The following EEFSEC variants were observed in gnomAD, a reference collection of about 807,000 sequenced individuals.
EEFSEC encodes the protein eukaryotic elongation factor, selenocysteine-tRNA specific, also known as selenocysteine-specific elongation factor.
In EEFSEC, 43 loss-of-function variants were observed where a neutral mutation model predicts 42.1. The ratio of observed to expected loss-of-function variants is 1.02; its 90% confidence interval spans 0.80 to 1.32. EEFSEC has a LOEUF of 1.32. Among genes scored for constraint, EEFSEC ranks in the 40% most tolerant of loss-of-function variants. The pLI is 0.00. For synonymous variants in EEFSEC, 354 were observed against 339.1 expected (o/e 1.04, Z -0.48); for missense variants, 745 against 803.6 (o/e 0.93, Z 0.88).
chr3:128,171,279 C>T (rs1392149467), intron 1 of EEFSEC, among the ~76,000 whole-genome samples: 2 of 152,140 alleles, frequency 1.3e-5, no homozygotes, highest in African/African-American at 4.8e-5. Context: ...CTGATCCCTT[C>T]AGAAAAATTG....
chr3:128,264,723 G>A lies in EEFSEC; in HGVS notation c.728G>A (p.Gly243Glu), dbSNP rs1262910341. Residue 243 changes from glycine to glutamate, a missense_variant, in exon 4 of 7, where the codon GGG (glycine) becomes GAG (glutamate). Gly to Glu is a moderately conservative substitution (Grantham distance 98). Coordinates refer to ENST00000254730, the MANE Select transcript of EEFSEC (RefSeq NM_021937.5). The part of the protein sequence containing the change: ...SIKGQGTVMT[G>E]TILSGSISLG... ...AAAGGCCAAGGCACTGTGATGACAG[G>A]GACCATCCTTTCAGGCTCCATCAGC... is the stretch of plus-strand genomic sequence containing the variant. The A allele has an allele frequency of 6.2e-7, 1 of 1,614,106 alleles. No individual in the cohort carries two copies. The highest frequency in any genetic ancestry group is 8.5e-7 in the Non-Finnish European group (1 of 1,180,012).
At chr3:128,367,644 G>T (rs2067606015) in intron 6 of EEFSEC, 5 of 985,286 alleles carry the variant, frequency 5.1e-6, no homozygotes, top group South Asian at 9.4e-5. Flanking sequence ...TTAGGCTGCC[G>T]ATTATGGACT....
intron 2 of EEFSEC, among the ~76,000 whole-genome samples, chr3:128,253,594 C>A (rs1248978886): frequency 6.6e-6 from 1 of 152,114 alleles, no homozygotes; most frequent in African/African-American, 2.4e-5. Flanking sequence ...TGTTTCTTTT[C>A]TTCTTTTCTG....
chr3:128,354,563 C>T (rs1331381376), intron 5 of EEFSEC, among the ~76,000 whole-genome samples: 4 of 152,162 alleles, frequency 2.6e-5, no homozygotes, highest in Non-Finnish European at 5.9e-5. Context: ...CCTCAGCTTC[C>T]CCTGGCTCTA....
At chr3:128,410,038 C>T (rs867135146), downstream of EEFSEC, among the ~76,000 whole-genome samples, 4 of 152,208 alleles carry the variant, frequency 2.6e-5, no homozygotes, top group South Asian at 4.1e-4. Flanking sequence ...CAGTCAGCAC[C>T]GAGCTGGGCT....
intron 1 of EEFSEC, among the ~76,000 whole-genome samples, chr3:128,160,017 G>T (rs1240946173): frequency 6.6e-6 from 1 of 152,238 alleles, no homozygotes; most frequent in Non-Finnish European, 1.5e-5. Flanking sequence ...CCAGAGCCTG[G>T]CATAGGATAG....
At chr3:128,334,446 G>A (rs1362937197) in intron 4 of EEFSEC, among the ~76,000 whole-genome samples, 2 of 152,234 alleles carry the variant, frequency 1.3e-5, no homozygotes, top group Non-Finnish European at 2.9e-5. Flanking sequence ...GGTTCTGCTC[G>A]ACTGTCAGAG....
At chr3:128,216,827 A>G (rs867658590) in intron 1 of EEFSEC, among the ~76,000 whole-genome samples, 1 of 152,200 alleles carries the variant, frequency 6.6e-6, no homozygotes. Flanking sequence ...GCAGTGGGCT[A>G]TAGGTAGGAC....
chr3:128,318,455 C>A (rs2066972077), intron 4 of EEFSEC, among the ~76,000 whole-genome samples: 1 of 152,176 alleles, frequency 6.6e-6, no homozygotes, highest in Non-Finnish European at 1.5e-5. Context: ...CCTGTCCCAC[C>A]CGTTCCTGCT....
chr3:128,215,791 C>T lies in EEFSEC; in HGVS notation c.317-31045C>T, dbSNP rs79439318. Among the ~76,000 whole-genome samples the T allele has an allele frequency of 6.4e-3, 979 of 152,196 alleles. 12 individuals are homozygous for T. The highest frequency in any genetic ancestry group is 0.022 in the African/African-American group (925 of 41,506). On this transcript the variant is annotated intron_variant, in intron 1 of 6. Coordinates refer to ENST00000254730, the MANE Select transcript of EEFSEC (RefSeq NM_021937.5). Reference sequence around the variant, plus strand: ...ATGCTGGCTTAATTCTTAGGCCACCCGGCTCCTGTGAGATTGCAGAGCTGC... The same window carrying T: ...ATGCTGGCTTAATTCTTAGGCCACCTGGCTCCTGTGAGATTGCAGAGCTGC...
intron 1 of EEFSEC, among the ~76,000 whole-genome samples, chr3:128,244,183 G>A (rs1304420981): frequency 6.6e-6 from 1 of 152,222 alleles, no homozygotes; most frequent in Non-Finnish European, 1.5e-5. Flanking sequence ...CTTGTTCCCT[G>A]CTGGGCTTTA....
At chr3:128,206,840 G>A (rs923283873) in intron 1 of EEFSEC, among the ~76,000 whole-genome samples, 4 of 152,258 alleles carry the variant, frequency 2.6e-5, no homozygotes, top group Admixed American at 6.5e-5. Context: ...CTGCCCTGCC[G>A]ACTTCTCACG....
chr3:128,396,051 T>C (rs1427596875), intron 6 of EEFSEC, among the ~76,000 whole-genome samples: 1 of 152,172 alleles, frequency 6.6e-6, no homozygotes, highest in East Asian at 1.9e-4. Flanking sequence ...AAGGCCTGCC[T>C]TCAGGACCTG....
intron 6 of EEFSEC, among the ~76,000 whole-genome samples, chr3:128,401,287 G>A (rs1267377772): frequency 1.3e-5 from 2 of 152,160 alleles, no homozygotes; most frequent in Non-Finnish European, 2.9e-5. Context: ...TCTTCCCTCC[G>A]CTGTCCTGCA....
intron 1 of EEFSEC, among the ~76,000 whole-genome samples, chr3:128,244,259 G>A (rs2066103167): frequency 6.6e-6 from 1 of 152,244 alleles, no homozygotes; most frequent in Non-Finnish European, 1.5e-5. Flanking sequence ...CTGATGGTTA[G>A]GACCCGGAAG....
At chr3:128,382,205 G>A (rs967179566) in intron 6 of EEFSEC, among the ~76,000 whole-genome samples, 4 of 152,224 alleles carry the variant, frequency 2.6e-5, no homozygotes, top group African/African-American at 7.2e-5. Context: ...GAAACCCAAG[G>A]CCTCAAATCA....
chr3:128,400,592 C>T (rs2068037758), intron 6 of EEFSEC, among the ~76,000 whole-genome samples: 1 of 152,214 alleles, frequency 6.6e-6, no homozygotes, highest in South Asian at 2.1e-4. Context: ...CTAGAGCGGC[C>T]CCAGCCCCAC....
chr3:128,288,514 C>G (rs2066609714), intron 4 of EEFSEC, among the ~76,000 whole-genome samples: 1 of 152,180 alleles, frequency 6.6e-6, no homozygotes, highest in South Asian at 2.1e-4. Context: ...AAGATAGGGC[C>G]AGGCCCAGAG....
At chr3:128,276,548 A>G (rs141733306) in intron 4 of EEFSEC, among the ~76,000 whole-genome samples, 18 of 152,326 alleles carry the variant, frequency 1.2e-4, no homozygotes, top group African/African-American at 3.4e-4. Context: ...TTGTAGAGTT[A>G]CTGTGGGAAG....
Sources: allele counts gnomAD v4.1 joint callset (sites outside exome capture counted in the v4.1 genomes callset), GRCh38; gene constraint gnomAD v4.1.1; transcripts MANE v1.5; gene names NCBI Gene and HGNC (gene_info 2026-07-23, HGNC 2026-07-21).